The following SPAG16 variants were observed in gnomAD, a reference collection of about 807,000 sequenced individuals.
SPAG16 encodes the protein sperm-associated antigen 16 protein.
SPAG16 carries 86 observed loss-of-function variants against 80.4 expected under a neutral mutation model. The ratio of observed to expected loss-of-function variants is 1.07; its 90% CI spans 0.90 to 1.28. SPAG16 has a LOEUF of 1.28. Among genes scored for constraint, SPAG16 ranks in the 50% most tolerant of loss-of-function variants. The pLI is 0.00. For missense variants in SPAG16, 870 were observed against 765.3 expected, an observed-to-expected ratio of 1.14 and a Z score of -1.61; for synonymous variants, 294 against 265.9, an observed-to-expected ratio of 1.11 and a Z score of -1.03.
intron 10 of SPAG16, among the ~76,000 whole-genome samples, chr2:213,820,437 T>A (rs1413940044): frequency 6.6e-6 from 1 of 152,132 alleles, no homozygotes; most frequent in Non-Finnish European, 1.5e-5. Flanking sequence ...GGTGATGGGC[T>A]CCAAGTATTC....
chr2:213,401,879 C>T (rs1030712341), intron 9 of SPAG16, among the ~76,000 whole-genome samples: 4 of 151,824 alleles, frequency 2.6e-5, no homozygotes, highest in Non-Finnish European at 5.9e-5. Context: ...AGTGTTTGCT[C>T]TGAAAAAATT....
intron 10 of SPAG16, among the ~76,000 whole-genome samples, chr2:213,842,929 T>C (rs1346747871): frequency 6.6e-6 from 1 of 152,106 alleles, no homozygotes; most frequent in Non-Finnish European, 1.5e-5. Context: ...CACACTCAGC[T>C]AATATTTTCA....
intron 10 of SPAG16, among the ~76,000 whole-genome samples, chr2:213,768,304 C>T (rs1353733001): frequency 2.0e-5 from 3 of 152,098 alleles, no homozygotes; most frequent in Non-Finnish European, 4.4e-5. Flanking sequence ...TGTCACTAAA[C>T]AGGGCAATGA....
intron 9 of SPAG16, among the ~76,000 whole-genome samples, chr2:213,487,085 G>A (rs1332238764): frequency 1.3e-5 from 2 of 151,960 alleles, no homozygotes; most frequent in African/African-American, 2.4e-5. Flanking sequence ...ACTTATATGT[G>A]GTGGAGCTGA....
intron 10 of SPAG16, among the ~76,000 whole-genome samples, chr2:213,631,529 G>A (rs1432715375): frequency 6.6e-6 from 1 of 152,110 alleles, no homozygotes; most frequent in Non-Finnish European, 1.5e-5. Context: ...ATTGAATCAT[G>A]GGGGTGAAAT....
chr2:214,272,589 G>A (rs1692115553), intron 15 of SPAG16, among the ~76,000 whole-genome samples: 1 of 152,094 alleles, frequency 6.6e-6, no homozygotes, highest in African/African-American at 2.4e-5. Context: ...ATGGTTTCCA[G>A]CTTCATCCAT....
chr2:214,064,961 A>C (rs1011260284), intron 13 of SPAG16, among the ~76,000 whole-genome samples: 2 of 151,946 alleles, frequency 1.3e-5, no homozygotes, highest in Non-Finnish European at 2.9e-5. Flanking sequence ...TTTTCAAAAT[A>C]AAATTATAAG....
chr2:213,472,814 T>G (rs528077287), intron 9 of SPAG16, among the ~76,000 whole-genome samples: 1 of 152,204 alleles, frequency 6.6e-6, no homozygotes, highest in Non-Finnish European at 1.5e-5. Flanking sequence ...TAAGAATCAA[T>G]GTCAGCTCAG....
intron 15 of SPAG16, among the ~76,000 whole-genome samples, chr2:214,170,181 C>CACTTAGGTGTGTATACATATACACACAT (rs1217781592): frequency 1.5e-4 from 23 of 149,734 alleles, no homozygotes; most frequent in Admixed American, 8.7e-4. Context: ...GATACACATA[C>CACTTAGGTGTGTATACATATACACACAT]ACTTAGGTGT....
At position 214,410,428 on chromosome 2, in the gene SPAG16, C is replaced by G. The variant is rs1017336173; in HGVS notation, c.*113C>G. On this transcript the variant is annotated 3_prime_UTR_variant, in exon 16 of 16. Coordinates refer to ENST00000331683, the MANE Select transcript of SPAG16 (RefSeq NM_024532.5). ...TGTGCCAGCAGGTAACATTTACAGTCTGCTTTAAAACATGCTTTGGACATA... is the reference window on the plus strand; with the variant it reads ...TGTGCCAGCAGGTAACATTTACAGTGTGCTTTAAAACATGCTTTGGACATA... 6 of 1,022,074 alleles carry G rather than the reference C, an allele frequency of 5.9e-6. No homozygotes were observed. The highest frequency in any genetic ancestry group is 1.6e-5 in the African/African-American group (1 of 62,094). 63.3% of individuals were successfully genotyped at this position (1,022,074 alleles called of 1,614,324 possible).
intron 10 of SPAG16, among the ~76,000 whole-genome samples, chr2:213,797,491 A>G (rs1000052362): frequency 6.6e-6 from 1 of 152,206 alleles, no homozygotes; most frequent in Non-Finnish European, 1.5e-5. Context: ...TTGTGTTACA[A>G]TGCCTATAGT....
chr2:214,212,286 A>G (rs1387804687), intron 15 of SPAG16, among the ~76,000 whole-genome samples: 1 of 152,054 alleles, frequency 6.6e-6, no homozygotes, highest in Admixed American at 6.6e-5. Context: ...CTCATCACCC[A>G]GACCTACAAG....
intron 10 of SPAG16, among the ~76,000 whole-genome samples, chr2:213,833,389 G>T (rs2073785067): frequency 8.8e-6 from 1 of 113,412 alleles, no homozygotes; most frequent in Non-Finnish European, 1.7e-5. Flanking sequence ...GAGGCATGAG[G>T]CATGTGTGTG....
intron 10 of SPAG16, among the ~76,000 whole-genome samples, chr2:213,610,915 A>C (rs555238575): frequency 6.6e-6 from 1 of 152,202 alleles, no homozygotes; most frequent in Non-Finnish European, 1.5e-5. Context: ...AGATATCGGG[A>C]TATCTGGACA....
chr2:213,774,074 TA>T (rs1176897808), intron 10 of SPAG16, among the ~76,000 whole-genome samples: 1 of 152,222 alleles, frequency 6.6e-6, no homozygotes, highest in African/African-American at 2.4e-5. Flanking sequence ...GTAAATGGTG[TA>T]ATACATTTAT....
intron 13 of SPAG16, among the ~76,000 whole-genome samples, chr2:214,032,328 C>T (rs752646180): frequency 1.4e-4 from 21 of 152,196 alleles, no homozygotes; most frequent in Non-Finnish European, 2.6e-4. Flanking sequence ...ATTGGTCTCA[C>T]TGTGACCAGC....
chr2:214,009,403 AG>A (rs1176303645), intron 12 of SPAG16, among the ~76,000 whole-genome samples: 1 of 152,186 alleles, frequency 6.6e-6, no homozygotes, highest in Non-Finnish European at 1.5e-5. Flanking sequence ...CCTTCTCTTA[AG>A]GATTATATTC....
chr2:213,780,571 C>CTT (rs367744311), intron 10 of SPAG16, among the ~76,000 whole-genome samples: 42,549 of 124,474 alleles, frequency 0.34, 7,597 homozygotes, highest in East Asian at 0.55. Context: ...TCTTTTCTTT[C>CTT]TTTTTTTTTT....
At chr2:213,817,219 T>C (rs1180665409) in intron 10 of SPAG16, among the ~76,000 whole-genome samples, 1 of 146,556 alleles carries the variant, frequency 6.8e-6, no homozygotes, top group Non-Finnish European at 1.5e-5. Context: ...CATGCATATA[T>C]ATATATATAT....
Sources: gnomAD v4.1 joint callset for allele counts (sites outside exome capture counted in the v4.1 genomes callset) on GRCh38, gnomAD v4.1.1 for gene constraint, MANE v1.5 for transcripts, NCBI Gene and HGNC (gene_info 2026-07-23, HGNC 2026-07-21) for gene names.